The following POLI variants were observed in gnomAD, a reference collection of about 807,000 sequenced individuals.
The protein encoded by POLI is RAD30 homolog B.
POLI carries 58 observed loss-of-function variants against 51.6 expected under a neutral mutation model. That is an observed-to-expected ratio of 1.12 (90% CI 0.91 to 1.40). The LOEUF is 1.40. POLI is among the 40% of genes most tolerant of loss of function. POLI has a pLI of 0.00. For missense variants in POLI, 921 were observed against 871.3 expected, an observed-to-expected ratio of 1.06 and a Z score of -0.72; for synonymous variants, 322 against 299.7, an observed-to-expected ratio of 1.07 and a Z score of -0.77.
intron 7 of POLI, among the ~76,000 whole-genome samples, chr18:54,285,855 T>C (rs2087719226): frequency 6.6e-6 from 1 of 152,098 alleles, no homozygotes; most frequent in Admixed American, 6.6e-5. Flanking sequence ...GAAAAAATTA[T>C]TTACTACAGA....
chr18:54,287,245 T>C (rs1183227527), intron 7 of POLI, 36 bp from the exon 8 acceptor site: 1 of 1,449,668 alleles, frequency 6.9e-7, no homozygotes, highest in Non-Finnish European at 9.4e-7. Context: ...GTAATACTTT[T>C]CTAATTCCTT....
chr18:54,310,875 C>T (rs956179456), intron 3 of POLI, among the ~76,000 whole-genome samples: 1 of 151,660 alleles, frequency 6.6e-6, no homozygotes, highest in Non-Finnish European at 1.5e-5. Flanking sequence ...GGTTTGGCCG[C>T]CAGAAATGAA....
At chr18:54,281,020 ATGTG>A in intron 5 of POLI, 117 bp downstream of exon 5, 3 of 592,846 alleles carry the variant, frequency 5.1e-6, no homozygotes, top group South Asian at 2.4e-5. Flanking sequence ...GTTTGTGTGC[ATGTG>A]TGTGTGTGTG....
In POLI at chr18:54,282,744, T is replaced by A. The variant is rs35251891; in HGVS notation, c.797-93T>A. On this transcript the variant is annotated intron_variant, in intron 5 of 9. Coordinates refer to ENST00000579534, the MANE Select transcript of POLI (RefSeq NM_007195.3). ...GGACTACTGTATAAATTATAGAACT[T>A]AAAGATAAGATTGATATATTTATAA... The A allele has an allele frequency of 4.2e-6, 3 of 720,540 alleles. No homozygotes were observed. The African/African-American group carries it at 5.3e-5, about 13-fold the overall frequency. 44.6% of individuals were successfully genotyped at this position (720,540 alleles called of 1,614,324 possible). A position where few individuals can be genotyped will look rare whatever the true frequency, so the allele number is the denominator to read the frequency against.
intron 3 of POLI, among the ~76,000 whole-genome samples, chr18:54,305,076 G>A (rs2088559389): frequency 6.6e-6 from 1 of 152,156 alleles, no homozygotes; most frequent in Admixed American, 6.5e-5. Flanking sequence ...GGTTGTAGAT[G>A]TGTGGTGTTA....
At chr18:54,299,006 A>T (rs1445115758), downstream of POLI, among the ~76,000 whole-genome samples, 1 of 152,178 alleles carries the variant, frequency 6.6e-6, no homozygotes. Context: ...GCCCATTGTA[A>T]ATTGAAAATA....
At chr18:54,315,654 AT>A (rs1409173511) in intron 3 of POLI, among the ~76,000 whole-genome samples, 2 of 152,158 alleles carry the variant, frequency 1.3e-5, no homozygotes, top group African/African-American at 4.8e-5. Context: ...GCGCATATAT[AT>A]TTAGGATTGT....
rs1353270992 is a variant in POLI at position 54,298,042 on chromosome 18, TATC to T, written c.*3578_*3580del. 5 of 968,240 alleles carry T rather than the reference TATC, an allele frequency of 5.2e-6. No individual in the cohort carries two copies. Among genetic ancestry groups the T allele is most frequent in the Non-Finnish European group, 6.1e-6 (5 of 814,388 alleles). The allele number at this position is 968,240 out of a possible 1,614,324, so 60.0% of individuals were successfully genotyped here. A position where few individuals can be genotyped will look rare whatever the true frequency, so the allele number is the denominator to read the frequency against. On this transcript the variant is annotated 3_prime_UTR_variant, in exon 10 of 10. Coordinates refer to ENST00000579534, the MANE Select transcript of POLI (RefSeq NM_007195.3). ...TTTATTATATGTCTAGCTATAGATT[TATC>T]ATGGATTTAGGTTCATTATGAATCT...
chr18:54,289,139 C>G (rs180773988), intron 8 of POLI, among the ~76,000 whole-genome samples: 1 of 148,330 alleles, frequency 6.7e-6, no homozygotes, highest in Non-Finnish European at 1.5e-5. Context: ...CTTGTCTGAA[C>G]GTAATCTGCA....
chr18:54,294,498 G>C lies in POLI; in HGVS notation c.*31G>C, dbSNP rs759384495. On this transcript the variant is annotated 3_prime_UTR_variant, in exon 10 of 10. Transcript: ENST00000579534. ...TTCAGCAAAAAGGTCTGAAAAGCAAGGGAATACCATTATTTTCGGATTAGC... is the reference window on the plus strand; with the variant it reads ...TTCAGCAAAAAGGTCTGAAAAGCAACGGAATACCATTATTTTCGGATTAGC... 17 of 1,540,832 alleles carry C rather than the reference G, an allele frequency of 1.1e-5. No individual in the cohort carries two copies. The highest frequency in any genetic ancestry group is 1.8e-4 in the Middle Eastern group (1 of 5,714).
chr18:54,319,766 A>G (rs1252070622), intron 3 of POLI, among the ~76,000 whole-genome samples: 2 of 152,166 alleles, frequency 1.3e-5, no homozygotes, highest in African/African-American at 4.8e-5. Context: ...TCAAACATGC[A>G]GTACCTGGTA....
intron 4 of POLI, among the ~76,000 whole-genome samples, chr18:54,280,129 TA>T (rs1174973036): frequency 2.4e-4 from 36 of 152,226 alleles, no homozygotes; most frequent in African/African-American, 8.7e-4. Flanking sequence ...AGTGATCTCT[TA>T]GTCCATTTAG....
At chr18:54,270,065 G>C in intron 1 of POLI, 1 of 995,370 alleles carries the variant, frequency 1.0e-6, no homozygotes, top group Non-Finnish European at 1.2e-6. Flanking sequence ...GGCAGGAAGG[G>C]ATGGCTCAGA....
intron 7 of POLI, among the ~76,000 whole-genome samples, chr18:54,286,936 T>A (rs1409192818): frequency 6.6e-6 from 1 of 150,620 alleles, no homozygotes; most frequent in Admixed American, 6.6e-5. Context: ...AGAGTGAGAC[T>A]CCATCTCAAA....
intron 3 of POLI, 52 bp from the exon 4 acceptor site, chr18:54,277,651 A>G (rs1476556496): frequency 1.7e-6 from 2 of 1,179,402 alleles, no homozygotes; most frequent in African/African-American, 1.5e-5. Context: ...AGTTAAATTT[A>G]TCCTAGTTAT....
At chr18:54,275,786 A>G (rs1299368961) in intron 3 of POLI, among the ~76,000 whole-genome samples, 1 of 152,190 alleles carries the variant, frequency 6.6e-6, no homozygotes, top group Non-Finnish European at 1.5e-5. Context: ...TTTTCTAAGT[A>G]CTAAGTACCT....
chr18:54,310,779 G>C (rs1438641451), intron 3 of POLI, among the ~76,000 whole-genome samples: 2 of 151,950 alleles, frequency 1.3e-5, no homozygotes, highest in African/African-American at 4.8e-5. Flanking sequence ...AAATGGAACT[G>C]GTGTACATAT....
intron 5 of POLI, among the ~76,000 whole-genome samples, chr18:54,281,639 A>C (rs2087504080): frequency 6.6e-6 from 1 of 151,968 alleles, no homozygotes; most frequent in African/African-American, 2.4e-5. Flanking sequence ...AGTTTTTTGG[A>C]TGACTTTGGT....
rs138217642 is a variant in POLI, at chr18:54,293,875, T to C, written c.1631T>C (p.Leu544Pro). 2.0e-5 allele frequency: 33 copies of C among 1,612,790 alleles called. No homozygotes were observed. In the African/African-American group the frequency reaches 2.8e-4, roughly 14 times the overall value. ...CCAGTAGATATTCAAGAAGAAATCC[T>C]TTCTGGAAAATCTAGGGAAAAATTT... is the stretch of plus-strand genomic sequence containing the variant. ...QLPVDIQEEI[L>P]SGKSREKFQG... The change falls in exon 10 of 10, where the codon CTT becomes CCT. Residue 544 changes from leucine to proline, a missense_variant. Physicochemically the swap from Leu to Pro is moderately conservative, Grantham distance 98. Transcript: ENST00000579534.
Sources: allele counts gnomAD v4.1 joint callset (sites outside exome capture counted in the v4.1 genomes callset), GRCh38; gene constraint gnomAD v4.1.1; transcripts MANE v1.5; gene names NCBI Gene and HGNC (gene_info 2026-07-23, HGNC 2026-07-21).